Variants in ABHD18 observed in about 807,000 individuals in gnomAD.
The protein encoded by ABHD18 is cardiolipin-specific deacylase, mitochondrial.
ABHD18 carries 55 observed loss-of-function variants against 65.9 expected under a neutral mutation model. The observed-to-expected ratio is 0.84, with a 90% confidence interval of 0.67 to 1.05. The LOEUF (loss-of-function observed/expected upper bound fraction) is 1.05. Ranked by LOEUF, ABHD18 falls within the 50% of genes least tolerant of loss-of-function variation. The probability of loss-of-function intolerance (pLI) is 0.00; values close to 1 mark genes in which losing one functional copy is unlikely to be tolerated. For missense variants in ABHD18, 533 were observed against 558.5 expected (o/e 0.95, Z 0.46); for synonymous variants, 181 against 180.2 (o/e 1.00, Z -0.04).
At chr4:127,970,411 G>A (rs1426045998) in intron 1 of ABHD18, among the ~76,000 whole-genome samples, 1 of 151,342 alleles carries the variant, frequency 6.6e-6, no homozygotes, top group African/African-American at 2.4e-5. Context: ...TGACCAACAT[G>A]GAGAAACCCC....
rs200189854 is a variant in ABHD18, at chr4:127,981,381, G to C, written c.-17-1558G>C. 5.3e-4 allele frequency among the ~76,000 whole-genome samples: 81 copies of C among 151,722 alleles called. No individual in the cohort carries two copies. The East Asian group carries it at 0.012, about 22-fold the overall frequency. On this transcript the variant is annotated intron_variant, in intron 1 of 12. Transcript: ENST00000645843. ...ATTGCCTTGTTTCATTTTCATCATA[G>C]TGTTATTCTACTCTTATTTTGATAG...
intron 2 of ABHD18, 48 bp from the exon 3 acceptor site, chr4:127,984,291 T>C: frequency 9.2e-7 from 1 of 1,086,210 alleles, no homozygotes. Context: ...GCTTAGTAGG[T>C]GATATAAAAG....
rs1178014016 is a variant in ABHD18, at chr4:128,000,618, CTT to C, written c.279-8297_279-8296del. Among the ~76,000 whole-genome samples, 9 of 152,166 alleles carry C rather than the reference CTT, an allele frequency of 5.9e-5. No homozygotes were observed. In the East Asian group the frequency reaches 1.4e-3, roughly 23 times the overall value. ...TAAGATTGCTTTGGTGATTCATGCTCTTTTTTGGTTCCGTATATGAATTTTAG... is the reference window on the plus strand; with the variant it reads ...TAAGATTGCTTTGGTGATTCATGCTCTTTTGGTTCCGTATATGAATTTTAG... On this transcript the variant is annotated intron_variant, in intron 4 of 12. Transcript: ENST00000645843.
At chr4:128,008,374 C>T (rs377248388) in intron 4 of ABHD18, among the ~76,000 whole-genome samples, 9 of 142,422 alleles carry the variant, frequency 6.3e-5, no homozygotes, top group East Asian at 2.3e-4. Context: ...CGGGTTTAAG[C>T]GCTTCTCCTG....
At chr4:128,001,633 C>G in intron 4 of ABHD18, 1 of 1,410,828 alleles carries the variant, frequency 7.1e-7, no homozygotes. Flanking sequence ...TAGTTAACCC[C>G]TTGCCTACTT....
At chr4:127,996,711 T>C (rs1751793438) in intron 4 of ABHD18, among the ~76,000 whole-genome samples, 1 of 152,104 alleles carries the variant, frequency 6.6e-6, no homozygotes, top group Admixed American at 6.6e-5. Flanking sequence ...TTATCTCAAC[T>C]GCATAAGACA....
intron 10 of ABHD18, among the ~76,000 whole-genome samples, chr4:128,027,073 G>A (rs75205493): frequency 0.043 from 6,495 of 152,066 alleles, 186 homozygotes; most frequent in Middle Eastern, 0.058. Context: ...ATGAGCCACC[G>A]TGCCTTGCCT....
intron 4 of ABHD18, chr4:128,001,693 G>T: frequency 6.5e-7 from 1 of 1,540,004 alleles, no homozygotes; most frequent in Non-Finnish European, 8.7e-7. Flanking sequence ...GAAGGTTTTG[G>T]TGTGTTCTTT....
chr4:127,973,817 C>CAA (rs57170719), intron 1 of ABHD18, among the ~76,000 whole-genome samples: 984 of 16,616 alleles, frequency 0.059, 106 homozygotes, highest in East Asian at 0.36. Flanking sequence ...TGATGAACAG[C>CAA]AAAAAAAAAA....
At position 128,008,462 on chromosome 4, in the gene ABHD18, A is replaced by G. The variant is rs1442442249; in HGVS notation, c.279-458A>G. ...AATTTTATTTATATTTTTAGTAGCG[A>G]CGGGGTTTCTCCATGTTGATTAGGC... On this transcript the variant is annotated intron_variant, in intron 4 of 12. Transcript: ENST00000645843. 4.0e-5 allele frequency among the ~76,000 whole-genome samples: 6 copies of G among 151,418 alleles called. No homozygotes were observed. The East Asian group carries it at 1.2e-3, about 30-fold the overall frequency.
At chr4:128,020,871 T>TA (rs748664519) in intron 9 of ABHD18, among the ~76,000 whole-genome samples, 2 of 151,956 alleles carry the variant, frequency 1.3e-5, no homozygotes, top group Non-Finnish European at 2.9e-5. Context: ...CTGTCTCTAC[T>TA]AAAAATACAA....
intron 4 of ABHD18, among the ~76,000 whole-genome samples, chr4:128,002,945 G>A (rs185439938): frequency 7.6e-4 from 115 of 151,318 alleles, no homozygotes; most frequent in African/African-American, 2.5e-3. Flanking sequence ...CACCACACCC[G>A]GCCATATTAT....
At chr4:127,986,193 T>G (rs1201974183) in intron 3 of ABHD18, among the ~76,000 whole-genome samples, 1 of 152,212 alleles carries the variant, frequency 6.6e-6, no homozygotes, top group Non-Finnish European at 1.5e-5. Flanking sequence ...TTCCCCCACC[T>G]GCTGGCAATC....
At chr4:128,012,698 C>T (rs1449769619) in intron 7 of ABHD18, among the ~76,000 whole-genome samples, 2 of 151,798 alleles carry the variant, frequency 1.3e-5, no homozygotes, top group Non-Finnish European at 2.9e-5. Flanking sequence ...TAAGATCAGC[C>T]ACAGAGAAGG....
At chr4:127,998,281 C>CTTTTTTTTT (rs993883974) in intron 4 of ABHD18, among the ~76,000 whole-genome samples, 3 of 119,838 alleles carry the variant, frequency 2.5e-5, no homozygotes, top group Non-Finnish European at 3.5e-5. Context: ...CAAGACGTTT[C>CTTTTTTTTT]TTTTTTTTTT....
chr4:127,984,494 T>A, intron 3 of ABHD18, 71 bp downstream of exon 3: 1 of 802,778 alleles, frequency 1.2e-6, no homozygotes, highest in East Asian at 2.8e-5. Context: ...ATAGATTACA[T>A]ATTGGAGTAT....
At chr4:127,998,089 A>G (rs939492723) in intron 4 of ABHD18, among the ~76,000 whole-genome samples, 3 of 151,738 alleles carry the variant, frequency 2.0e-5, no homozygotes, top group African/African-American at 7.3e-5. Flanking sequence ...CAAGGTCTCT[A>G]TGTTGCCCAG....
At chr4:127,987,142 A>G (rs1750101928) in intron 3 of ABHD18, among the ~76,000 whole-genome samples, 1 of 152,094 alleles carries the variant, frequency 6.6e-6, no homozygotes, top group Non-Finnish European at 1.5e-5. Flanking sequence ...ATTTGAGGTC[A>G]GGAGTTCGAG....
At chr4:127,996,825 G>A (rs374539991) in intron 4 of ABHD18, among the ~76,000 whole-genome samples, 5 of 152,244 alleles carry the variant, frequency 3.3e-5, no homozygotes, top group African/African-American at 4.8e-5. Flanking sequence ...TCTCCTACTC[G>A]CTTTCTGCAA....
Sources: gnomAD v4.1 joint callset for allele counts (sites outside exome capture counted in the v4.1 genomes callset) on GRCh38, gnomAD v4.1.1 for gene constraint, MANE v1.5 for transcripts, NCBI Gene and HGNC (gene_info 2026-07-23, HGNC 2026-07-21) for gene names.